SYT11: variants seen among roughly 807,000 people sequenced by gnomAD.
SYT11 encodes synaptotagmin-11.
In SYT11, 12 loss-of-function variants were observed where a neutral mutation model predicts 30.4. The ratio of observed to expected loss-of-function variants is 0.39; its 90% CI spans 0.25 to 0.64. The LOEUF (loss-of-function observed/expected upper bound fraction) is 0.64, where lower values mean the gene tolerates loss of function less well. SYT11 is among the 30% of genes least tolerant of loss of function. The probability of loss-of-function intolerance (pLI) is 0.45; values close to 1 mark genes in which losing one functional copy is unlikely to be tolerated. For synonymous variants in SYT11, 204 were observed against 216.0 expected (o/e 0.94, Z 0.49); for missense variants, 412 against 552.0 (o/e 0.75, Z 2.54).
At chr1:155,874,076 G>A (rs1439661712) in intron 2 of SYT11, among the ~76,000 whole-genome samples, 3 of 151,910 alleles carry the variant, frequency 2.0e-5, no homozygotes, top group Non-Finnish European at 2.9e-5. Flanking sequence ...TGAGGTGGGC[G>A]GATGGCTTCC....
intron 3 of SYT11, among the ~76,000 whole-genome samples, 198 bp from the exon 4 acceptor site, chr1:155,881,000 C>T (rs1190455146): frequency 2.6e-5 from 4 of 152,148 alleles, no homozygotes; most frequent in Non-Finnish European, 4.4e-5. Flanking sequence ...GCTTGGTTTC[C>T]TTGGCCCCTC....
intron 2 of SYT11, among the ~76,000 whole-genome samples, chr1:155,878,946 C>G (rs1219369991): frequency 6.6e-6 from 1 of 152,036 alleles, no homozygotes; most frequent in Non-Finnish European, 1.5e-5. Context: ...TCTCCCAGCT[C>G]TAGGTGCCCA....
In SYT11 at chr1:155,879,743, T is replaced by TA. The variant is rs1181915921; in HGVS notation, c.862-756dup. On this transcript the variant is annotated intron_variant, in intron 2 of 3. Coordinates refer to ENST00000368324, the MANE Select transcript of SYT11 (RefSeq NM_152280.5). ...AACCAAATGAGAGGATGCACTTCTA[T>TA]AGTGCGCACTATGTGCTGGGCACCA... Among the ~76,000 whole-genome samples the TA allele has an allele frequency of 2.6e-5, 4 of 152,256 alleles. No individual in the cohort carries two copies. The South Asian group carries it at 6.2e-4, about 24-fold the overall frequency.
In SYT11 at chr1:155,881,895, A is replaced by G. The variant is rs1168331020; in HGVS notation, c.*387A>G. On this transcript the variant is annotated 3_prime_UTR_variant, in exon 4 of 4. Transcript: ENST00000368324. ...AGGCACCCACGAGCATGCCCGGCTAATTTTTTGTATTTTCAGTAGAGATGG... is the reference window on the plus strand; with the variant it reads ...AGGCACCCACGAGCATGCCCGGCTAGTTTTTTGTATTTTCAGTAGAGATGG... The G allele has an allele frequency of 6.5e-6, 1 of 154,820 alleles. No homozygotes were observed. The highest frequency in any genetic ancestry group is 1.9e-4 in the East Asian group (1 of 5,264). The allele number at this position is 154,820 out of a possible 1,614,324, so 9.6% of individuals were successfully genotyped here. A position where few individuals can be genotyped will look rare whatever the true frequency, so the allele number is the denominator to read the frequency against.
chr1:155,868,818 C>A lies in SYT11; in HGVS notation c.861+27C>A. 6.3e-7 allele frequency: 1 copy of A among 1,583,130 alleles called. No individual in the cohort carries two copies. Among genetic ancestry groups the A allele is most frequent in the Non-Finnish European group, 8.6e-7 (1 of 1,159,778 alleles). ...TGAGTAGGAAGTGTGTGTTGGGGAG[C>A]AATGGTAGGTTGGGGGAGAAAATAT... On this transcript the variant is annotated intron_variant, in intron 2 of 3. Coordinates refer to ENST00000368324, the MANE Select transcript of SYT11 (RefSeq NM_152280.5). The surrounding 1 kb of genome is among the most constrained non-coding windows in gnomAD (Gnocchi z 4.7).
chr1:155,861,397 G>A (rs1672588487), intron 1 of SYT11, among the ~76,000 whole-genome samples: 1 of 152,130 alleles, frequency 6.6e-6, no homozygotes, highest in African/African-American at 2.4e-5. Context: ...GAAAAAAGGA[G>A]ATGGTGTGGA....
At chr1:155,874,038 C>A (rs1255650342) in intron 2 of SYT11, among the ~76,000 whole-genome samples, 2 of 152,232 alleles carry the variant, frequency 1.3e-5, no homozygotes, top group African/African-American at 2.4e-5. Flanking sequence ...TGGTGGCTCA[C>A]GCCTATAATT....
chr1:155,877,646 C>T (rs911309710), intron 2 of SYT11, among the ~76,000 whole-genome samples: 4 of 151,870 alleles, frequency 2.6e-5, no homozygotes, highest in Admixed American at 6.6e-5. Flanking sequence ...CTCCGCCTCC[C>T]GGGTTCACGC....
chr1:155,870,406 T>C (rs1672763271), intron 2 of SYT11, among the ~76,000 whole-genome samples: 2 of 152,344 alleles, frequency 1.3e-5, no homozygotes, highest in South Asian at 4.1e-4. Flanking sequence ...ATTAGTCAAG[T>C]TTGATACCTG....
chr1:155,859,852 G>A, intron 1 of SYT11, 57 bp downstream of exon 1: 2 of 1,530,654 alleles, frequency 1.3e-6, no homozygotes, highest in South Asian at 2.2e-5. Flanking sequence ...CAAGGCCAAG[G>A]GGGCCCAGCG....
chr1:155,868,045 T>C lies in SYT11; in HGVS notation c.115T>C (p.Cys39Arg). ...CTCGGTGACCGTCTTTGTCTGGTCA[T>C]GCTGCCACCAGCAGGCAGAGAAGAA... ...CVSVTVFVWS[C>R]CHQQAEKKQK... Residue 39 changes from cysteine to arginine, a missense_variant, in exon 2 of 4, where the codon TGC (cysteine) becomes CGC (arginine). Cys to Arg is a radical substitution (Grantham distance 180). Coordinates refer to ENST00000368324, the MANE Select transcript of SYT11 (RefSeq NM_152280.5). This position sits in a 1 kb window ranked among gnomAD's most constrained non-coding sequence, Gnocchi z 4.7. The C allele has an allele frequency of 6.2e-7, 1 of 1,613,590 alleles. No homozygotes were observed. Among genetic ancestry groups the C allele is most frequent in the Non-Finnish European group, 8.5e-7 (1 of 1,179,868 alleles).
chr1:155,874,954 C>T lies in SYT11; in HGVS notation c.862-5546C>T, dbSNP rs575936103. Among the ~76,000 whole-genome samples, 9 of 145,300 alleles carry T rather than the reference C, an allele frequency of 6.2e-5. 1 individual carries two copies. The highest frequency in any genetic ancestry group is 4.8e-4 in the Admixed American group (7 of 14,480). On this transcript the variant is annotated intron_variant, in intron 2 of 3. Transcript: ENST00000368324. The stretch of plus-strand genomic sequence containing the variant: ...TGGCTGAGGATACTTTCCATGGATA[C>T]GATTAAGAGCTGACAATAGGCCGGG...
intron 1 of SYT11, 100 bp from the exon 2 acceptor site, chr1:155,867,865 T>A: frequency 1.1e-6 from 1 of 933,760 alleles, no homozygotes; most frequent in Non-Finnish European, 1.6e-6. Flanking sequence ...AGAGGCTAGA[T>A]TGAAGATTAG....
At chr1:155,873,161 C>G (rs1319028013) in intron 2 of SYT11, among the ~76,000 whole-genome samples, 1 of 152,180 alleles carries the variant, frequency 6.6e-6, no homozygotes, top group East Asian at 1.9e-4. Context: ...GGCGCGGTGT[C>G]TCAGGCCTGT....
intron 2 of SYT11, among the ~76,000 whole-genome samples, chr1:155,875,655 G>A (rs1181053115): frequency 3.3e-5 from 5 of 152,024 alleles, no homozygotes; most frequent in Non-Finnish European, 5.9e-5. Context: ...CGCCCTCCTC[G>A]GCCTCCAAAG....
At position 155,868,686 on chromosome 1, in the gene SYT11, C is replaced by T; in HGVS notation, c.756C>T (p.Phe252=). Residue 252 remains phenylalanine (F), a synonymous_variant, in exon 2 of 4, where the codon TTC becomes TTT. Coordinates refer to ENST00000368324, the MANE Select transcript of SYT11 (RefSeq NM_152280.5). The surrounding 1 kb of genome is among the most constrained non-coding windows in gnomAD (Gnocchi z 4.7). ...LHFLVLSFDR[F]SRDDVIGEVM... ...TCCTTGTCCTCAGCTTTGACCGCTTCTCTCGGGATGATGTCATTGGCGAGG... is the reference window on the plus strand; with the variant it reads ...TCCTTGTCCTCAGCTTTGACCGCTTTTCTCGGGATGATGTCATTGGCGAGG... The T allele has an allele frequency of 6.2e-7, 1 of 1,614,244 alleles. No individual in the cohort carries two copies.
intron 2 of SYT11, among the ~76,000 whole-genome samples, chr1:155,873,770 T>A (rs1243090637): frequency 2.0e-5 from 3 of 152,236 alleles, no homozygotes; most frequent in Non-Finnish European, 1.5e-5. Context: ...ATTTTAATTT[T>A]ATTTAATTTA....
At chr1:155,877,185 G>T (rs1407396493) in intron 2 of SYT11, among the ~76,000 whole-genome samples, 9 of 151,988 alleles carry the variant, frequency 5.9e-5, no homozygotes, top group Admixed American at 5.2e-4. Flanking sequence ...AGCCAGGATG[G>T]TCTCAATCTC....
Position 155,884,364 on chromosome 1 carries a change from CAG to C in SYT11, c.*2857_*2858del, listed in dbSNP as rs531866584. Reference sequence around the variant, plus strand: ...TACTGAGCAGTGGGTGCTGAGGTGACAGGGGAGGAACCAGTTGTTCTGTAGCC... The same window carrying C: ...TACTGAGCAGTGGGTGCTGAGGTGACGGGAGGAACCAGTTGTTCTGTAGCC... On this transcript the variant is annotated 3_prime_UTR_variant, in exon 4 of 4. Coordinates refer to ENST00000368324, the MANE Select transcript of SYT11 (RefSeq NM_152280.5). 5.6e-3 allele frequency: 853 copies of C among 152,992 alleles called. 4 individuals are homozygous for C. Among genetic ancestry groups the C allele is most frequent in the Non-Finnish European group, 8.3e-3 (563 of 68,138 alleles). The allele number at this position is 152,992 out of a possible 1,614,324, so 9.5% of individuals were successfully genotyped here. A position where few individuals can be genotyped will look rare whatever the true frequency, so the allele number is the denominator to read the frequency against.
Sources: gnomAD v4.1 joint callset for allele counts (sites outside exome capture counted in the v4.1 genomes callset) on GRCh38, gnomAD v4.1.1 for gene constraint, Gnocchi (gnomAD v3.1) non-coding constraint, MANE v1.5 for transcripts, NCBI Gene and HGNC (gene_info 2026-07-23, HGNC 2026-07-21) for gene names.